RHOT1: variants seen among roughly 807,000 people sequenced by gnomAD.
RHOT1 encodes mitochondrial Rho GTPase 1.
RHOT1 carries 27 observed loss-of-function variants against 95.3 expected under a neutral mutation model. The ratio of observed to expected loss-of-function variants is 0.28; its 90% CI spans 0.21 to 0.39. The LOEUF is 0.39. Ranked by LOEUF, RHOT1 falls within the 10% of genes least tolerant of loss-of-function variation. The pLI is 1.00. For synonymous variants in RHOT1, 227 were observed against 263.5 expected (o/e 0.86, Z 1.34); for missense variants, 578 against 786.7 (o/e 0.73, Z 3.17).
chr17:32,221,134 G>A (rs1419639912), intron 19 of RHOT1: 11 of 620,690 alleles, frequency 1.8e-5, no homozygotes, highest in Admixed American at 6.3e-5. Flanking sequence ...TTCGGAAGCC[G>A]AGGTGGGTGG....
chr17:32,153,438 A>G (rs889326235), intron 1 of RHOT1, among the ~76,000 whole-genome samples: 16 of 152,108 alleles, frequency 1.1e-4, no homozygotes, highest in African/African-American at 3.9e-4. Context: ...GCAGGAGGAT[A>G]GCTTGAGGCT....
At chr17:32,161,998 T>C (rs1209170310) in intron 1 of RHOT1, among the ~76,000 whole-genome samples, 1 of 152,216 alleles carries the variant, frequency 6.6e-6, no homozygotes, top group African/African-American at 2.4e-5. Flanking sequence ...TCCTGGTACA[T>C]TGACCTGTTC....
chr17:32,203,863 T>C (rs770133128), intron 15 of RHOT1, 27 bp from the exon 16 acceptor site: 28 of 1,535,516 alleles, frequency 1.8e-5, no homozygotes, highest in Non-Finnish European at 2.5e-5. Context: ...TTACTGCAGA[T>C]ATTGAGATTT....
At chr17:32,189,299 C>T (rs530120882) in intron 8 of RHOT1, among the ~76,000 whole-genome samples, 1 of 152,080 alleles carries the variant, frequency 6.6e-6, no homozygotes, top group African/African-American at 2.4e-5. Flanking sequence ...GAGACCCCAC[C>T]TCAAGAAAAA....
At chr17:32,182,919 T>C in intron 7 of RHOT1, 54 bp downstream of exon 7, 1 of 1,216,902 alleles carries the variant, frequency 8.2e-7, no homozygotes, top group Non-Finnish European at 1.2e-6. Context: ...CTTACTAAAT[T>C]CGGGTTTTAA....
At chr17:32,182,177 A>G (rs184750362) in intron 6 of RHOT1, among the ~76,000 whole-genome samples, 6 of 152,036 alleles carry the variant, frequency 3.9e-5, no homozygotes, top group Admixed American at 1.3e-4. Flanking sequence ...CTTATTGCTC[A>G]TTTTCTGTTT....
At chr17:32,197,690 A>G (rs1183281786) in intron 11 of RHOT1, among the ~76,000 whole-genome samples, 3 of 152,108 alleles carry the variant, frequency 2.0e-5, no homozygotes, top group Non-Finnish European at 4.4e-5. Context: ...GGCCTCCCAA[A>G]GTACTGGGAT....
chr17:32,203,980 A>G lies in RHOT1; in HGVS notation c.1416+7A>G, dbSNP rs1380688754. 7.6e-6 allele frequency: 12 copies of G among 1,584,158 alleles called. No homozygotes were observed. Among genetic ancestry groups the G allele is most frequent in the Non-Finnish European group, 1.0e-5 (12 of 1,159,030 alleles). On this transcript the variant is annotated splice_region_variant and intron_variant, in intron 16 of 19. Transcript: ENST00000545287. ...ACAAGAGAAATACTTGTTGGTAAGA[A>G]ATTCTGTGGCATACAAAAATTACTA...
At chr17:32,224,581 A>G (rs781111016) in intron 19 of RHOT1, 35 bp from the exon 20 acceptor site, 1 of 1,427,252 alleles carries the variant, frequency 7.0e-7, no homozygotes, top group Admixed American at 1.9e-5. Context: ...CATACTAATC[A>G]TGTTTTAAAT....
chr17:32,151,573 A>G lies in RHOT1; in HGVS notation c.37+8844A>G, dbSNP rs900572128. 8.4e-6 allele frequency: 3 copies of G among 356,536 alleles called. No homozygotes were observed. In the East Asian group the frequency reaches 2.0e-4, roughly 23 times the overall value. 22.1% of individuals were successfully genotyped at this position (356,536 alleles called of 1,614,324 possible). On this transcript the variant is annotated intron_variant, in intron 1 of 19. Transcript: ENST00000545287. ...GTCCTGCGCGGTGTGTCTCTCTCTC[A>G]ATGAACTTTTTAAAAAAAGGAAATC...
chr17:32,209,157 GT>G, intron 18 of RHOT1: 1 of 332,558 alleles, frequency 3.0e-6, no homozygotes, highest in Non-Finnish European at 5.5e-6. Flanking sequence ...TTTCAAAAAG[GT>G]GTTGATTTGT....
intron 1 of RHOT1, among the ~76,000 whole-genome samples, chr17:32,157,448 G>A (rs1163469362): frequency 6.6e-6 from 1 of 152,198 alleles, no homozygotes; most frequent in African/African-American, 2.4e-5. Flanking sequence ...GGTTTAAGAA[G>A]TCCTTCAGGA....
intron 6 of RHOT1, among the ~76,000 whole-genome samples, chr17:32,180,654 GAA>G (rs35775998): frequency 0.021 from 567 of 26,692 alleles, 7 homozygotes; most frequent in African/African-American, 0.047. Flanking sequence ...AAAAGTACAA[GAA>G]AAAAAAAAAG....
intron 16 of RHOT1, among the ~76,000 whole-genome samples, chr17:32,205,013 T>C (rs1234556869): frequency 1.3e-5 from 2 of 149,180 alleles, no homozygotes; most frequent in African/African-American, 4.9e-5. Context: ...AAAACTGAAC[T>C]CCCCTTTTAC....
intron 6 of RHOT1, among the ~76,000 whole-genome samples, chr17:32,181,348 A>G (rs1391547688): frequency 6.6e-6 from 1 of 152,196 alleles, no homozygotes; most frequent in African/African-American, 2.4e-5. Context: ...ATCTTCTGAG[A>G]TCTACCCATT....
chr17:32,218,528 C>T (rs73268551), intron 19 of RHOT1, among the ~76,000 whole-genome samples: 1,689 of 146,700 alleles, frequency 0.012, 35 homozygotes, highest in African/African-American at 0.04. Flanking sequence ...AAAAACAGAG[C>T]TGGGCACAGT....
intron 16 of RHOT1, among the ~76,000 whole-genome samples, chr17:32,204,979 T>G (rs1394914332): frequency 6.7e-6 from 1 of 148,754 alleles, no homozygotes; most frequent in Non-Finnish European, 1.5e-5. Flanking sequence ...TGAGACTCCG[T>G]CTCAAAAAAA....
At chr17:32,214,659 T>G (rs149524763) in intron 19 of RHOT1, among the ~76,000 whole-genome samples, 12 of 152,332 alleles carry the variant, frequency 7.9e-5, no homozygotes, top group Non-Finnish European at 1.5e-4. Flanking sequence ...TCTCAGGTTT[T>G]GGCAGCTGTT....
chr17:32,171,545 C>G (rs180943802), intron 2 of RHOT1, among the ~76,000 whole-genome samples: 13 of 152,262 alleles, frequency 8.5e-5, no homozygotes, highest in Admixed American at 7.9e-4. Context: ...TCTCAGTTGT[C>G]TCATCTATAA....
Sources: gnomAD v4.1 joint callset for allele counts (sites outside exome capture counted in the v4.1 genomes callset) on GRCh38, gnomAD v4.1.1 for gene constraint, MANE v1.5 for transcripts, NCBI Gene and HGNC (gene_info 2026-07-23, HGNC 2026-07-21) for gene names.